PCDHA1: variants seen among roughly 807,000 people sequenced by gnomAD.
PCDHA1 encodes the protein protocadherin alpha-1.
A neutral mutation model predicts 61.3 loss-of-function variants in PCDHA1; 42 were observed. The ratio of observed to expected loss-of-function variants is 0.69; its 90% CI spans 0.54 to 0.89. PCDHA1 has a LOEUF of 0.89. Ranked by LOEUF, PCDHA1 falls within the 40% of genes least tolerant of loss-of-function variation. PCDHA1 has a pLI of 0.00. For missense variants in PCDHA1, 1,256 were observed against 1,235.3 expected (o/e 1.02, Z -0.25); for synonymous variants, 610 against 553.8 (o/e 1.10, Z -1.43).
intron 1 of PCDHA1, among the ~76,000 whole-genome samples, chr5:140,840,092 G>T (rs1554137685): frequency 6.6e-6 from 1 of 151,972 alleles, no homozygotes; most frequent in Admixed American, 6.6e-5. Flanking sequence ...ACTTGTTGAA[G>T]ATTTTAGTGA....
At chr5:140,802,915 T>G in intron 1 of PCDHA1, 1 of 1,613,742 alleles carries the variant, frequency 6.2e-7, no homozygotes, top group South Asian at 1.1e-5. Flanking sequence ...GTGGGTGGCA[T>G]CGGTGGCGCA....
At chr5:140,931,962 A>G (rs1439185046) in intron 1 of PCDHA1, among the ~76,000 whole-genome samples, 1 of 151,924 alleles carries the variant, frequency 6.6e-6, no homozygotes, top group Non-Finnish European at 1.5e-5. Context: ...AATCATGTTG[A>G]TGCATATGTG....
chr5:140,944,857 A>G (rs1288221644), intron 1 of PCDHA1, among the ~76,000 whole-genome samples: 1 of 152,078 alleles, frequency 6.6e-6, no homozygotes, highest in Non-Finnish European at 1.5e-5. Context: ...AATCATCCTT[A>G]TTTATCTTAA....
At chr5:140,822,499 G>T (rs1554128681) in intron 1 of PCDHA1, 2 of 1,613,848 alleles carry the variant, frequency 1.2e-6, no homozygotes, top group South Asian at 1.1e-5. Flanking sequence ...CCCAGAATTT[G>T]ATAAATCCAT....
intron 1 of PCDHA1, chr5:140,857,129 G>A: frequency 6.3e-7 from 1 of 1,598,280 alleles, no homozygotes; most frequent in Non-Finnish European, 8.6e-7. Context: ...AGTGAAAGAA[G>A]ATGCTCAAGT....
intron 1 of PCDHA1, among the ~76,000 whole-genome samples, chr5:140,946,207 A>G (rs1435472095): frequency 2.0e-5 from 3 of 152,068 alleles, no homozygotes; most frequent in Non-Finnish European, 4.4e-5. Flanking sequence ...AAAGCACACA[A>G]ATGACCAACA....
chr5:140,961,025 C>G (rs1283958205), intron 1 of PCDHA1, among the ~76,000 whole-genome samples: 1 of 152,150 alleles, frequency 6.6e-6, no homozygotes, highest in African/African-American at 2.4e-5. Context: ...CACTTGCTAC[C>G]TCCTTGTTTT....
intron 1 of PCDHA1, chr5:140,882,896 T>G (rs1554176010): frequency 6.2e-7 from 1 of 1,614,212 alleles, no homozygotes. Flanking sequence ...GGAACATAGT[T>G]TATTACTGAC....
At position 141,010,114 on chromosome 5, in the gene PCDHA1, G is replaced by A. The variant is rs2098416092; in HGVS notation, c.*177G>A. Reference sequence around the variant, plus strand: ...GCATTTAACAGGTTTTGTCGTAAAAGCTTTACTAAGTCTGGTGTTAACTCT... The same window carrying A: ...GCATTTAACAGGTTTTGTCGTAAAAACTTTACTAAGTCTGGTGTTAACTCT... On this transcript the variant is annotated 3_prime_UTR_variant, in exon 4 of 4. Transcript: ENST00000504120. The A allele has an allele frequency of 1.2e-6, 2 of 1,609,716 alleles. No homozygotes were observed. Among genetic ancestry groups the A allele is most frequent in the Non-Finnish European group, 1.7e-6 (2 of 1,177,682 alleles).
intron 1 of PCDHA1, chr5:140,807,806 G>A (rs1554124286): frequency 6.2e-7 from 1 of 1,614,160 alleles, no homozygotes; most frequent in South Asian, 1.1e-5. Context: ...AGAAGCTCCG[G>A]AGATTTTTTT....
At position 140,809,649 on chromosome 5, in the gene PCDHA1, A is replaced by G. The variant is rs550322878; in HGVS notation, c.2394+20965A>G. Reference sequence around the variant, plus strand: ...ACTTCTTCGTAAATTTATTTCTAAGAGTCAAATTTCCCTGGGTTAAAATTT... The same window carrying G: ...ACTTCTTCGTAAATTTATTTCTAAGGGTCAAATTTCCCTGGGTTAAAATTT... On this transcript the variant is annotated intron_variant, in intron 1 of 3. Coordinates refer to ENST00000504120, the MANE Select transcript of PCDHA1 (RefSeq NM_018900.4). The G allele has an allele frequency of 2.0e-6, 3 of 1,498,874 alleles. No homozygotes were observed. The Admixed American group carries it at 6.9e-5, about 34-fold the overall frequency. 92.8% of individuals were successfully genotyped at this position (1,498,874 alleles called of 1,614,324 possible).
chr5:140,984,478 A>G (rs1374350616), intron 3 of PCDHA1, among the ~76,000 whole-genome samples: 1 of 152,078 alleles, frequency 6.6e-6, no homozygotes, highest in Non-Finnish European at 1.5e-5. Flanking sequence ...TGTATAACCC[A>G]TTTTATCCAG....
At chr5:140,944,335 G>A (rs1196825895) in intron 1 of PCDHA1, among the ~76,000 whole-genome samples, 1 of 151,986 alleles carries the variant, frequency 6.6e-6, no homozygotes, top group African/African-American at 2.4e-5. Context: ...TTACAAGCAC[G>A]TGCCACCACA....
chr5:140,913,965 A>G (rs1228834396), intron 1 of PCDHA1, among the ~76,000 whole-genome samples: 7 of 152,300 alleles, frequency 4.6e-5, no homozygotes, highest in Admixed American at 2.6e-4. Flanking sequence ...ATTTTTAAAA[A>G]AATATTTTAG....
At chr5:140,873,476 G>A (rs2054312814) in intron 1 of PCDHA1, among the ~76,000 whole-genome samples, 1 of 151,958 alleles carries the variant, frequency 6.6e-6, no homozygotes, top group African/African-American at 2.4e-5. Flanking sequence ...CAAATTACTT[G>A]GACTGATTTC....
At chr5:140,888,018 T>A (rs557919672) in intron 1 of PCDHA1, among the ~76,000 whole-genome samples, 1 of 152,360 alleles carries the variant, frequency 6.6e-6, no homozygotes, top group South Asian at 2.1e-4. Context: ...TTTATCTATA[T>A]GTTTGAGCAT....
chr5:140,895,820 T>A (rs1409721318), intron 1 of PCDHA1, among the ~76,000 whole-genome samples: 2 of 152,156 alleles, frequency 1.3e-5, no homozygotes, highest in Non-Finnish European at 2.9e-5. Context: ...TATTGTATTG[T>A]ATTTTTTTCA....
At chr5:140,895,197 T>C (rs782373000) in intron 1 of PCDHA1, among the ~76,000 whole-genome samples, 2 of 152,182 alleles carry the variant, frequency 1.3e-5, no homozygotes, top group Non-Finnish European at 1.5e-5. Flanking sequence ...AAGTTTTGAA[T>C]TTGCTTTTAT....
chr5:140,990,783 G>A (rs932115900), intron 3 of PCDHA1, among the ~76,000 whole-genome samples: 5 of 152,170 alleles, frequency 3.3e-5, no homozygotes, highest in African/African-American at 7.2e-5. Flanking sequence ...TGTGTTGGAC[G>A]ATGAACCATG....
Sources: gnomAD v4.1 joint callset for allele counts (sites outside exome capture counted in the v4.1 genomes callset) on GRCh38, gnomAD v4.1.1 for gene constraint, MANE v1.5 for transcripts, NCBI Gene and HGNC (gene_info 2026-07-23, HGNC 2026-07-21) for gene names.